Variants in SATB1 observed in about 807,000 individuals in gnomAD.
The protein encoded by SATB1 is SATB homeobox 1, also known as DNA-binding protein SATB1.
Under a neutral mutation model 86.9 loss-of-function variants are expected in SATB1, and 11 were observed. The observed-to-expected ratio is 0.13, with a 90% CI of 0.08 to 0.21. The LOEUF is 0.21. Ranked by LOEUF, SATB1 falls within the 10% of genes least tolerant of loss-of-function variation. The probability of loss-of-function intolerance (pLI) is 1.00; values close to 1 mark genes in which losing one functional copy is unlikely to be tolerated. For synonymous variants in SATB1, 357 were observed against 357.2 expected (o/e 1.00, Z 0.01); for missense variants, 551 against 937.6 (o/e 0.59, Z 5.39).
At chr3:18,379,503 T>C (rs1441984633) in intron 8 of SATB1, among the ~76,000 whole-genome samples, 4 of 152,066 alleles carry the variant, frequency 2.6e-5, no homozygotes, top group Non-Finnish European at 5.9e-5. Context: ...ACCATGAAAA[T>C]AGAAAATGAA....
intron 5 of SATB1, among the ~76,000 whole-genome samples, chr3:18,408,323 C>T (rs1030849490): frequency 1.3e-5 from 2 of 151,952 alleles, no homozygotes; most frequent in Non-Finnish European, 2.9e-5. Context: ...CGTAAGACTG[C>T]ATATTAGAAC....
In SATB1 at chr3:18,412,980, C is replaced by G. The variant is rs564030455; in HGVS notation, c.639+2131G>C. Among the ~76,000 whole-genome samples, 3 of 152,096 alleles carry G rather than the reference C, an allele frequency of 2.0e-5. No homozygotes were observed. In the South Asian group the frequency reaches 6.2e-4, roughly 32 times the overall value. ...TTAATTTCAAATATTTGCTTTCACT[C>G]CTAAACTATGCATAATTTTTAGAAG... On this transcript the variant is annotated intron_variant, in intron 5 of 10. Coordinates refer to ENST00000338745, the MANE Select transcript of SATB1 (RefSeq NM_002971.6).
chr3:18,386,334 G>T lies in SATB1; in HGVS notation c.1419+65C>A. 1 of 1,212,788 alleles carries T rather than the reference G, an allele frequency of 8.2e-7. No homozygotes were observed. Among genetic ancestry groups the T allele is most frequent in the Non-Finnish European group, 1.2e-6 (1 of 838,400 alleles). The allele number at this position is 1,212,788 out of a possible 1,614,324, so 75.1% of individuals were successfully genotyped here. ...ATCTATCTATCTAATTTCTTATTGA[G>T]ATTCTTCCTCAAGCATTAAAAAAAA... On this transcript the variant is annotated intron_variant, in intron 8 of 10. Coordinates refer to ENST00000338745, the MANE Select transcript of SATB1 (RefSeq NM_002971.6). This position sits in a 1 kb window ranked among gnomAD's most constrained non-coding sequence, Gnocchi z 4.5.
intron 7 of SATB1, among the ~76,000 whole-genome samples, chr3:18,387,490 C>T (rs1404869567): frequency 1.3e-5 from 2 of 152,086 alleles, no homozygotes; most frequent in African/African-American, 4.8e-5. Context: ...AATAACAGAA[C>T]ATCAATTTTC....
intron 2 of SATB1, among the ~76,000 whole-genome samples, chr3:18,434,104 A>G (rs2125200137): frequency 6.6e-6 from 1 of 152,204 alleles, no homozygotes; most frequent in Non-Finnish European, 1.5e-5. Context: ...CTATTCTTCT[A>G]TTACTTTTAC....
chr3:18,407,984 T>C (rs1417825807), intron 5 of SATB1, among the ~76,000 whole-genome samples: 4 of 151,964 alleles, frequency 2.6e-5, no homozygotes, highest in Non-Finnish European at 5.9e-5. Context: ...GTTGGTGGTA[T>C]CCAGTAATGA....
chr3:18,383,770 C>G (rs1696179617), intron 8 of SATB1, among the ~76,000 whole-genome samples: 1 of 152,084 alleles, frequency 6.6e-6, no homozygotes, highest in East Asian at 1.9e-4. Context: ...TTCAAGTGCT[C>G]TATAACGTGT....
chr3:18,349,953 C>A lies in SATB1; in HGVS notation c.1780-271G>T. 2.1e-6 allele frequency: 1 copy of A among 469,894 alleles called. No homozygotes were observed. Among genetic ancestry groups the A allele is most frequent in the Non-Finnish European group, 3.6e-6 (1 of 276,398 alleles). 29.1% of individuals were successfully genotyped at this position (469,894 alleles called of 1,614,324 possible). On this transcript the variant is annotated intron_variant, in intron 10 of 10. Transcript: ENST00000338745. The surrounding 1 kb of genome is among the most constrained non-coding windows in gnomAD (Gnocchi z 5.5). ...CAGCAGAGGAAGTGAAAACTCAGTG[C>A]TCTGAAAATGTGAGCCATAAAATTC... is the stretch of plus-strand genomic sequence containing the variant.
intron 2 of SATB1, among the ~76,000 whole-genome samples, chr3:18,432,172 C>G (rs1045793307): frequency 6.6e-6 from 1 of 152,122 alleles, no homozygotes; most frequent in African/African-American, 2.4e-5. Flanking sequence ...TGAACAGAAC[C>G]AAAGTATTTA....
Position 18,394,465 on chromosome 3 carries a change from A to G in SATB1, c.1203T>C (p.Thr401=). ...CCACTTATGAAACACAACTGACCTGAGTTCTGTTAAAAGCCACACGTGCAA... is the reference window on the plus strand; with the variant it reads ...CCACTTATGAAACACAACTGACCTGGGTTCTGTTAAAAGCCACACGTGCAA... ...AVFARVAFNR[T]QGLLSEILRK... Residue 401 remains threonine (T), a synonymous_variant, in exon 7 of 11, where the codon ACT becomes ACC. Transcript: ENST00000338745. The surrounding 1 kb of genome is among the most constrained non-coding windows in gnomAD (Gnocchi z 5.9). 1 of 1,613,916 alleles carries G rather than the reference A, an allele frequency of 6.2e-7. No homozygotes were observed. Among genetic ancestry groups the G allele is most frequent in the Non-Finnish European group, 8.5e-7 (1 of 1,179,798 alleles).
At chr3:18,351,290 C>T in intron 10 of SATB1, 1 of 1,531,012 alleles carries the variant, frequency 6.5e-7, no homozygotes, top group Non-Finnish European at 8.8e-7. Flanking sequence ...CCCTTGGTGG[C>T]ATAGGTAACT....
Position 18,352,429 on chromosome 3 carries a change from T to C in SATB1, c.1576-234A>G. On this transcript the variant is annotated intron_variant, in intron 9 of 10. Coordinates refer to ENST00000338745, the MANE Select transcript of SATB1 (RefSeq NM_002971.6). The surrounding 1 kb of genome is among the most constrained non-coding windows in gnomAD (Gnocchi z 4.1). ...TTGCATCTCAAAGGAGGGACATATT[T>C]TTTCAGACTCTGAGGGTAACAGAGC... 4 of 496,692 alleles carry C rather than the reference T, an allele frequency of 8.1e-6. No individual in the cohort carries two copies. The highest frequency in any genetic ancestry group is 1.5e-5 in the Non-Finnish European group (4 of 275,430). 30.8% of individuals were successfully genotyped at this position (496,692 alleles called of 1,614,324 possible).
At chr3:18,426,554 A>G (rs562415584), upstream of SATB1, among the ~76,000 whole-genome samples, 3 of 152,348 alleles carry the variant, frequency 2.0e-5, no homozygotes, top group Admixed American at 6.5e-5. This position sits in a 1 kb window ranked among gnomAD's most constrained non-coding sequence, Gnocchi z 4.2. Flanking sequence ...AATCTATTAA[A>G]TATAGTTCAT....
intron 5 of SATB1, among the ~76,000 whole-genome samples, chr3:18,407,569 A>G (rs552966123): frequency 6.6e-6 from 1 of 152,138 alleles, no homozygotes; most frequent in African/African-American, 2.4e-5. Flanking sequence ...TTCTCTAAAC[A>G]ATGCGAGACA....
upstream of SATB1, among the ~76,000 whole-genome samples, chr3:18,427,539 A>G (rs140299537): frequency 1.7e-3 from 255 of 152,358 alleles, 1 homozygote; most frequent in Non-Finnish European, 2.8e-3. Context: ...CAATATTAAG[A>G]TAGACTGAAA....
At position 18,349,192 on chromosome 3, in the gene SATB1, A is replaced by G. The variant is rs1694214408; in HGVS notation, c.2270T>C (p.Ile757Thr). 1.2e-6 allele frequency: 2 copies of G among 1,613,926 alleles called. No individual in the cohort carries two copies. The highest frequency in any genetic ancestry group is 1.1e-5 in the South Asian group (1 of 91,074). The change falls in exon 11 of 11, where the codon ATT becomes ACT. Residue 757 changes from isoleucine (I) to threonine (T), a missense_variant. By Grantham distance (89) the Ile-to-Thr change is moderately conservative (BLOSUM62 -1). This residue lies in a region of SATB1 where 41 missense variants were observed against 38.9 expected (regional missense o/e 1.06). Coordinates refer to ENST00000338745, the MANE Select transcript of SATB1 (RefSeq NM_002971.6). This position sits in a 1 kb window ranked among gnomAD's most constrained non-coding sequence, Gnocchi z 5.5. Reference sequence around the variant, plus strand: ...ATCTCAGTCTTTCAAATCAGTATTAATGTCTGTGTTTCCTTCCACTGACAG... The same window carrying G: ...ATCTCAGTCTTTCAAATCAGTATTAGTGTCTGTGTTTCCTTCCACTGACAG... Reference protein sequence around the residue: ...EELSVEGNTDINTDLKD With the variant: ...EELSVEGNTDTNTDLKD
upstream of SATB1, among the ~76,000 whole-genome samples, chr3:18,428,863 A>C (rs574169288): frequency 5.9e-5 from 9 of 152,348 alleles, no homozygotes; most frequent in South Asian, 1.7e-3. Context: ...ACACATTCAG[A>C]GTTCTGAATA....
chr3:18,372,872 A>T (rs1695544916), intron 9 of SATB1, among the ~76,000 whole-genome samples: 2 of 152,210 alleles, frequency 1.3e-5, no homozygotes, highest in South Asian at 4.1e-4. Context: ...CTAATATAGA[A>T]CACCTTAAAT....
chr3:18,409,079 G>C (rs1697699720), intron 5 of SATB1: 1 of 151,954 alleles, frequency 6.6e-6, no homozygotes. Context: ...TCTGAAACAA[G>C]GCACAGGTAA....
Sources: gnomAD v4.1 joint callset for allele counts (sites outside exome capture counted in the v4.1 genomes callset) on GRCh38, gnomAD v4.1.1 for gene constraint, gnomAD v4.1.1 regional missense constraint, Gnocchi (gnomAD v3.1) non-coding constraint, MANE v1.5 for transcripts, NCBI Gene and HGNC (gene_info 2026-07-23, HGNC 2026-07-21) for gene names.